The following COA1 variants were observed in gnomAD, a reference collection of about 807,000 sequenced individuals.
COA1 encodes the protein cytochrome c oxidase assembly factor 1, also known as cytochrome c oxidase assembly factor 1 homolog.
A neutral mutation model predicts 16.0 loss-of-function variants in COA1; 13 were observed. The observed-to-expected ratio is 0.81, with a 90% CI of 0.53 to 1.29. The LOEUF is 1.29. COA1 is among the 50% of genes most tolerant of loss of function. COA1 has a pLI of 0.00. For synonymous variants in COA1, 65 were observed against 65.7 expected, an observed-to-expected ratio of 0.99 and a Z score of 0.05; for missense variants, 179 against 177.0, an observed-to-expected ratio of 1.01 and a Z score of -0.06.
intron 1 of COA1, among the ~76,000 whole-genome samples, chr7:43,670,923 T>C (rs984542647): frequency 3.9e-4 from 59 of 152,342 alleles, no homozygotes; most frequent in African/African-American, 1.3e-3. Context: ...TTTATTAAAA[T>C]TAAAACTGCC....
intron 3 of COA1, 77 bp downstream of exon 3, chr7:43,647,458 T>G (rs996038747): frequency 1.0e-6 from 1 of 990,354 alleles, no homozygotes; most frequent in East Asian, 2.4e-5. Flanking sequence ...ACAAAGCATC[T>G]CAAGTATTTC....
intron 6 of COA1, among the ~76,000 whole-genome samples, chr7:43,621,067 C>T (rs949253940): frequency 6.6e-6 from 1 of 152,008 alleles, no homozygotes; most frequent in Non-Finnish European, 1.5e-5. Flanking sequence ...AAGAGCTATC[C>T]GGAGCACAGA....
chr7:43,711,846 T>C (rs1321256681), intron 1 of COA1, among the ~76,000 whole-genome samples: 1 of 152,200 alleles, frequency 6.6e-6, no homozygotes, highest in African/African-American at 2.4e-5. Context: ...ACCAGTGTCA[T>C]CTATGCAGTT....
At chr7:43,636,222 C>T (rs1305935979), downstream of COA1, among the ~76,000 whole-genome samples, 1 of 152,198 alleles carries the variant, frequency 6.6e-6, no homozygotes, top group Non-Finnish European at 1.5e-5. Flanking sequence ...GCTTTCAACT[C>T]AGGAACTCTG....
At chr7:43,627,319 T>C (rs1279495955) in intron 6 of COA1, among the ~76,000 whole-genome samples, 1 of 152,250 alleles carries the variant, frequency 6.6e-6, no homozygotes, top group Non-Finnish European at 1.5e-5. Flanking sequence ...GTTGAATCTC[T>C]TAAATTTTTC....
chr7:43,630,669 C>T lies in COA1; in HGVS notation c.*133+8780G>A, dbSNP rs529781827. On this transcript the variant is annotated intron_variant and NMD_transcript_variant, in intron 6 of 6. Coordinates refer to the COA1 transcript ENST00000415076. ...CTATACTTTTTAAAGCTTTTGATTTCGCAATAGTTACAGACTTACAGGGAG... is the reference window on the plus strand; with the variant it reads ...CTATACTTTTTAAAGCTTTTGATTTTGCAATAGTTACAGACTTACAGGGAG... Among the ~76,000 whole-genome samples the T allele has an allele frequency of 9.2e-5, 14 of 152,180 alleles. No homozygotes were observed. The South Asian group carries it at 2.1e-3, about 23-fold the overall frequency.
At chr7:43,664,297 T>C (rs987551086) in intron 1 of COA1, among the ~76,000 whole-genome samples, 2 of 152,184 alleles carry the variant, frequency 1.3e-5, no homozygotes, top group Admixed American at 6.5e-5. Context: ...TTTGTCTTTT[T>C]GTTATGGCTT....
At chr7:43,717,566 C>T (rs765236553) in intron 1 of COA1, among the ~76,000 whole-genome samples, 12 of 152,136 alleles carry the variant, frequency 7.9e-5, no homozygotes, top group Non-Finnish European at 1.5e-4. Flanking sequence ...AAGGGACTTG[C>T]CTTGTCTCAG....
At chr7:43,639,826 A>G in intron 5 of COA1, 145 bp from the exon 6 acceptor site, 2 of 591,254 alleles carry the variant, frequency 3.4e-6, no homozygotes, top group Middle Eastern at 2.8e-4. Context: ...CTGTGTCAAC[A>G]CAATTTTTAA....
chr7:43,690,158 T>C (rs1254786049), intron 1 of COA1, among the ~76,000 whole-genome samples: 2 of 152,202 alleles, frequency 1.3e-5, no homozygotes, highest in African/African-American at 4.8e-5. Flanking sequence ...TTGGTGGGAA[T>C]GTAAATTAGT....
At chr7:43,676,485 G>T (rs1239727145) in intron 1 of COA1, among the ~76,000 whole-genome samples, 1 of 152,064 alleles carries the variant, frequency 6.6e-6, no homozygotes, top group Non-Finnish European at 1.5e-5. Context: ...AAGTGCAATA[G>T]GCTAGGACAG....
chr7:43,670,504 T>C (rs1397842746), intron 1 of COA1, among the ~76,000 whole-genome samples: 1 of 152,148 alleles, frequency 6.6e-6, no homozygotes, highest in Non-Finnish European at 1.5e-5. Context: ...AATTAATCTA[T>C]TTATTCATTC....
intron 6 of COA1, among the ~76,000 whole-genome samples, chr7:43,619,989 T>C (rs2083712074): frequency 1.3e-5 from 2 of 152,224 alleles, no homozygotes; most frequent in Non-Finnish European, 2.9e-5. Flanking sequence ...AGGATTTTCT[T>C]AACAAAGTAG....
At chr7:43,700,547 T>TAC (rs1230956877) in intron 1 of COA1, among the ~76,000 whole-genome samples, 1 of 150,162 alleles carries the variant, frequency 6.7e-6, no homozygotes, top group South Asian at 2.1e-4. Flanking sequence ...TATATATATA[T>TAC]ACATACACGT....
intron 3 of COA1, chr7:43,645,671 C>T (rs2089076464): frequency 3.1e-6 from 1 of 318,226 alleles, no homozygotes; most frequent in Non-Finnish European, 6.0e-6. Context: ...TTTCTACCCT[C>T]ACTCATTGCC....
At chr7:43,646,572 TAGC>T (rs2089365682) in intron 3 of COA1, 1 of 456,708 alleles carries the variant, frequency 2.2e-6, no homozygotes, top group South Asian at 1.5e-5. Context: ...CTCACCGACT[TAGC>T]AGCCTCCTAA....
chr7:43,698,831 T>TA (rs1201918599), intron 1 of COA1, among the ~76,000 whole-genome samples: 1 of 152,210 alleles, frequency 6.6e-6, no homozygotes, highest in Non-Finnish European at 1.5e-5. Context: ...AACAATTAGA[T>TA]ACGGCTTGAA....
chr7:43,725,348 T>C (rs1274179426), intron 1 of COA1, among the ~76,000 whole-genome samples: 1 of 152,208 alleles, frequency 6.6e-6, no homozygotes, highest in Non-Finnish European at 1.5e-5. Context: ...TACAAATAGT[T>C]AAAATGGCCA....
intron 4 of COA1, chr7:43,640,974 G>A (rs1248620352): frequency 4.4e-6 from 1 of 226,160 alleles, no homozygotes; most frequent in African/African-American, 2.3e-5. Flanking sequence ...CAACATCGAT[G>A]AATATCAAAA....
Sources: gnomAD v4.1 joint callset for allele counts (sites outside exome capture counted in the v4.1 genomes callset) on GRCh38, gnomAD v4.1.1 for gene constraint, MANE v1.5 for transcripts, NCBI Gene and HGNC (gene_info 2026-07-23, HGNC 2026-07-21) for gene names.